The following PACRG variants were observed in gnomAD, a reference collection of about 807,000 sequenced individuals.
The protein encoded by PACRG is parkin coregulated, also known as parkin coregulated gene protein.
PACRG carries 29 observed loss-of-function variants against 29.7 expected under a neutral mutation model. The observed-to-expected ratio is 0.98, with a 90% CI of 0.73 to 1.33. PACRG has a LOEUF of 1.33. Among genes scored for constraint, PACRG ranks in the 40% most tolerant of loss-of-function variants. PACRG has a pLI of 0.00. For synonymous variants in PACRG, 116 were observed against 118.7 expected, an observed-to-expected ratio of 0.98 and a Z score of 0.15; for missense variants, 279 against 316.2, an observed-to-expected ratio of 0.88 and a Z score of 0.89.
chr6:163,235,748 A>G (rs1562331122), intron 4 of PACRG, among the ~76,000 whole-genome samples: 1 of 152,048 alleles, frequency 6.6e-6, no homozygotes. Flanking sequence ...TTTGTTTTTA[A>G]TTCTTCACAA....
chr6:163,125,336 G>A (rs1335325383), intron 4 of PACRG, among the ~76,000 whole-genome samples: 1 of 152,144 alleles, frequency 6.6e-6, no homozygotes, highest in Non-Finnish European at 1.5e-5. Flanking sequence ...TAATTTCAGA[G>A]TGAGGAAGCC....
chr6:162,851,227 G>T (rs976767804), intron 2 of PACRG, among the ~76,000 whole-genome samples: 8 of 152,140 alleles, frequency 5.3e-5, no homozygotes, highest in Non-Finnish European at 8.8e-5. Flanking sequence ...CTTAATAAAT[G>T]CCCAGCTCTC....
intron 4 of PACRG, among the ~76,000 whole-genome samples, chr6:163,122,349 T>C (rs1048488118): frequency 1.3e-5 from 2 of 152,046 alleles, no homozygotes; most frequent in Non-Finnish European, 2.9e-5. Flanking sequence ...AATTGTGCTA[T>C]AGTTGGTTTG....
chr6:163,060,860 A>C (rs1293827363), intron 2 of PACRG: 6 of 152,098 alleles, frequency 3.9e-5, no homozygotes, highest in Non-Finnish European at 7.3e-5. Context: ...AGGTACAAAA[A>C]TCTCCCACTA....
intron 4 of PACRG, among the ~76,000 whole-genome samples, chr6:163,122,047 C>T (rs1816303134): frequency 6.6e-6 from 1 of 151,964 alleles, no homozygotes; most frequent in Admixed American, 6.6e-5. Flanking sequence ...AAAGAGGGCG[C>T]CTTATTAATG....
At chr6:162,792,671 T>A (rs1054520936) in intron 1 of PACRG, among the ~76,000 whole-genome samples, 1 of 152,140 alleles carries the variant, frequency 6.6e-6, no homozygotes, top group Non-Finnish European at 1.5e-5. Context: ...CCAACACTGC[T>A]GGGGAGACAG....
At chr6:162,744,373 G>A (rs1258486622) in intron 1 of PACRG, among the ~76,000 whole-genome samples, 1 of 152,122 alleles carries the variant, frequency 6.6e-6, no homozygotes, top group Non-Finnish European at 1.5e-5. Flanking sequence ...TGAGGTGGGA[G>A]GATTGCTTGA....
intron 4 of PACRG, among the ~76,000 whole-genome samples, chr6:163,207,311 TTAAG>T (rs1780944393): frequency 1.3e-5 from 2 of 152,290 alleles, no homozygotes; most frequent in South Asian, 4.1e-4. Context: ...CCACAGCCTA[TTAAG>T]TTTCTCCAAA....
chr6:162,987,542 A>G (rs1803010847), intron 2 of PACRG, among the ~76,000 whole-genome samples: 1 of 152,138 alleles, frequency 6.6e-6, no homozygotes, highest in Non-Finnish European at 1.5e-5. Context: ...ATGGTTTTCT[A>G]AAGGGCAATT....
chr6:163,115,130 C>A lies in PACRG; in HGVS notation c.613+25722C>A, dbSNP rs534985163. ...GTTAGCCAACTAAATCTCTTATATA[C>A]AAATAGAAACCTTGAATCTCATAAA... On this transcript the variant is annotated intron_variant, in intron 4 of 4. Transcript: ENST00000366888. Among the ~76,000 whole-genome samples, 87 of 152,212 alleles carry A rather than the reference C, an allele frequency of 5.7e-4. 1 individual carries two copies. The South Asian group carries it at 0.017, about 30-fold the overall frequency.
At chr6:163,121,709 A>C (rs1001483179) in intron 4 of PACRG, among the ~76,000 whole-genome samples, 2 of 141,798 alleles carry the variant, frequency 1.4e-5, no homozygotes, top group African/African-American at 5.3e-5. Flanking sequence ...TCTGTCACCC[A>C]AGCTGGAGTG....
At chr6:163,019,226 T>G (rs904192469) in intron 2 of PACRG, among the ~76,000 whole-genome samples, 2 of 152,182 alleles carry the variant, frequency 1.3e-5, no homozygotes, top group Non-Finnish European at 2.9e-5. Flanking sequence ...GACAACACTC[T>G]TTTTCTATCT....
At chr6:162,866,866 C>T (rs1050877275) in intron 2 of PACRG, among the ~76,000 whole-genome samples, 31 of 152,212 alleles carry the variant, frequency 2.0e-4, no homozygotes, top group Non-Finnish European at 5.9e-5. Context: ...ACAAGCTCCA[C>T]TGTGCATGTT....
intron 2 of PACRG, among the ~76,000 whole-genome samples, chr6:162,895,494 T>C (rs1450842583): frequency 6.6e-6 from 1 of 152,192 alleles, no homozygotes; most frequent in Non-Finnish European, 1.5e-5. Context: ...CTTTACTTTG[T>C]ATCAAATGGG....
chr6:163,087,240 G>A (rs1243013942), intron 3 of PACRG, among the ~76,000 whole-genome samples: 1 of 151,402 alleles, frequency 6.6e-6, no homozygotes, highest in Non-Finnish European at 1.5e-5. Context: ...GAGAAGATGA[G>A]GATGGAGACT....
chr6:163,261,836 G>A (rs1291355254), intron 4 of PACRG, among the ~76,000 whole-genome samples: 1 of 152,166 alleles, frequency 6.6e-6, no homozygotes, highest in Non-Finnish European at 1.5e-5. Flanking sequence ...GGATACCAAA[G>A]GTTGTGCAGG....
At chr6:163,280,095 C>T (rs999162358) in intron 4 of PACRG, among the ~76,000 whole-genome samples, 8 of 152,214 alleles carry the variant, frequency 5.3e-5, no homozygotes, top group Non-Finnish European at 8.8e-5. Context: ...CTTCACCAAG[C>T]GTCTCTGCTC....
intron 2 of PACRG, among the ~76,000 whole-genome samples, chr6:162,962,380 T>C (rs1800697177): frequency 6.6e-6 from 1 of 152,236 alleles, no homozygotes; most frequent in Non-Finnish European, 1.5e-5. Flanking sequence ...TTGACTCCAC[T>C]GTTTCCTCTG....
At chr6:163,221,350 C>T (rs528384419) in intron 4 of PACRG, among the ~76,000 whole-genome samples, 25 of 152,328 alleles carry the variant, frequency 1.6e-4, no homozygotes, top group African/African-American at 5.3e-4. Flanking sequence ...ACTTCTCTTC[C>T]GTGCGGGCAA....
Sources: allele counts gnomAD v4.1 joint callset (sites outside exome capture counted in the v4.1 genomes callset), GRCh38; gene constraint gnomAD v4.1.1; transcripts MANE v1.5; gene names NCBI Gene and HGNC (gene_info 2026-07-23, HGNC 2026-07-21).